Variants in UTRN observed in about 807,000 individuals in gnomAD.
UTRN encodes dystrophin-related protein 1.
In UTRN, 283 loss-of-function variants were observed where a neutral mutation model predicts 463.9. That is an observed-to-expected ratio of 0.61 (90% confidence interval 0.55 to 0.67). The LOEUF is 0.67. UTRN is among the 30% of genes least tolerant of loss of function. The pLI, the probability that UTRN is intolerant of heterozygous loss-of-function variation, is 0.00. For missense variants in UTRN, 3,922 were observed against 4,084.3 expected (o/e 0.96, Z 1.08); for synonymous variants, 1,442 against 1,431.5 (o/e 1.01, Z -0.17).
chr6:144,430,415 T>C (rs1257480269), intron 9 of UTRN, among the ~76,000 whole-genome samples: 1 of 152,180 alleles, frequency 6.6e-6, no homozygotes, highest in East Asian at 1.9e-4. Context: ...GATGAGAGAA[T>C]CTTAAGAATT....
intron 19 of UTRN, 41 bp from the exon 20 acceptor site, chr6:144,458,729 G>T (rs1789116629): frequency 6.5e-7 from 1 of 1,528,684 alleles, no homozygotes; most frequent in Non-Finnish European, 8.7e-7. Context: ...GACACATTTT[G>T]TAATATATAG....
At chr6:144,445,475 C>G (rs762161820) in intron 14 of UTRN, among the ~76,000 whole-genome samples, 1 of 151,356 alleles carries the variant, frequency 6.6e-6, no homozygotes, top group African/African-American at 2.4e-5. Flanking sequence ...GGAAAAAACT[C>G]AAGTGTGTGA....
intron 54 of UTRN, among the ~76,000 whole-genome samples, chr6:144,743,149 T>G (rs958801394): frequency 6.6e-6 from 1 of 152,220 alleles, no homozygotes; most frequent in Non-Finnish European, 1.5e-5. Context: ...AATTATATAC[T>G]GAGGACATAC....
chr6:144,643,746 C>T (rs1188717489), intron 51 of UTRN, among the ~76,000 whole-genome samples: 1 of 151,154 alleles, frequency 6.6e-6, no homozygotes, highest in East Asian at 1.9e-4. Context: ...ACAATGAGCC[C>T]AGACCATGCC....
At chr6:144,565,931 TA>T (rs144521273) in intron 50 of UTRN, among the ~76,000 whole-genome samples, 3,763 of 152,220 alleles carry the variant, frequency 0.025, 161 homozygotes, top group African/African-American at 0.084. Flanking sequence ...ACTTTTCTGT[TA>T]AAATGGATTA....
At chr6:144,583,474 T>C in intron 51 of UTRN, 1 of 704,992 alleles carries the variant, frequency 1.4e-6, no homozygotes, top group East Asian at 2.7e-5. Context: ...TTCTGAGGTG[T>C]CTCCAGAAGT....
At position 144,576,965 on chromosome 6, in the gene UTRN, C is replaced by G. The variant is rs144508806; in HGVS notation, c.7290-134C>G. ...TCAAGACACACATACAGATAAATCT[C>G]CCAGTTACCTATGGTGACTTGAATA... On this transcript the variant is annotated intron_variant, in intron 50 of 74. Transcript: ENST00000367545. The G allele has an allele frequency of 3.5e-3, 2,536 of 720,200 alleles. 8 individuals are homozygous for G. Among genetic ancestry groups the G allele is most frequent in the Non-Finnish European group, 5.0e-3 (2,222 of 445,662 alleles). 44.6% of individuals were successfully genotyped at this position (720,200 alleles called of 1,614,324 possible). A position where few individuals can be genotyped will look rare whatever the true frequency, so the allele number is the denominator to read the frequency against.
At chr6:144,605,970 G>A (rs762583907) in intron 51 of UTRN, among the ~76,000 whole-genome samples, 11 of 151,896 alleles carry the variant, frequency 7.2e-5, no homozygotes, top group Non-Finnish European at 1.3e-4. Context: ...TGTCCATACT[G>A]CAAAAACTCT....
intron 2 of UTRN, among the ~76,000 whole-genome samples, chr6:144,392,034 T>C (rs1781985650): frequency 6.6e-6 from 1 of 152,196 alleles, no homozygotes; most frequent in South Asian, 2.1e-4. Flanking sequence ...TCCTGAACTG[T>C]AGCTAGTCTG....
chr6:144,829,440 C>A (rs562772467), intron 69 of UTRN, among the ~76,000 whole-genome samples: 1 of 152,176 alleles, frequency 6.6e-6, no homozygotes, highest in South Asian at 2.1e-4. Flanking sequence ...TTTCTGATTT[C>A]CCCATATGTG....
chr6:144,610,910 A>C (rs970343453), intron 51 of UTRN, among the ~76,000 whole-genome samples: 1 of 152,168 alleles, frequency 6.6e-6, no homozygotes, highest in African/African-American at 2.4e-5. Context: ...AAAACAAACA[A>C]GAAAACAATA....
At chr6:144,301,536 C>CTTTTTTTTTTTTT (rs200484231) in intron 2 of UTRN, among the ~76,000 whole-genome samples, 16 of 92,740 alleles carry the variant, frequency 1.7e-4, no homozygotes, top group Non-Finnish European at 2.8e-4. Flanking sequence ...TTCTTTCTTT[C>CTTTTTTTTTTTTT]TTTTTTTTTT....
rs1426590329 is a variant in UTRN at position 144,462,818 on chromosome 6, A to G, written c.3018A>G (p.Lys1006=). The change falls in exon 23 of 75, where the codon AAA becomes AAG. Residue 1006 remains lysine (K), a synonymous_variant. Transcript: ENST00000367545. ...KWNKLKVLVS[K]DLHLLEEIAL... is the part of the protein sequence containing the mutation. ...ACAAGCTAAAGGTCTTGGTTTCCAA[A>G]GATCTACATTTGCTTGAGGAAATTG... is the stretch of plus-strand genomic sequence containing the variant. 1 of 1,609,380 alleles carries G rather than the reference A, an allele frequency of 6.2e-7. No individual in the cohort carries two copies. The highest frequency in any genetic ancestry group is 1.7e-5 in the Admixed American group (1 of 58,922).
intron 53 of UTRN, among the ~76,000 whole-genome samples, chr6:144,702,477 A>G (rs1217134138): frequency 1.3e-5 from 2 of 152,234 alleles, no homozygotes; most frequent in Non-Finnish European, 2.9e-5. Flanking sequence ...TCAATAATGA[A>G]CAAAACCAGG....
intron 2 of UTRN, among the ~76,000 whole-genome samples, chr6:144,299,377 T>C (rs1805033464): frequency 6.6e-6 from 1 of 152,262 alleles, no homozygotes; most frequent in Non-Finnish European, 1.5e-5. Context: ...TTATTATTTC[T>C]ACTTATAAAC....
chr6:144,648,004 C>T (rs1369013820), intron 51 of UTRN, among the ~76,000 whole-genome samples: 1 of 152,172 alleles, frequency 6.6e-6, no homozygotes, highest in Non-Finnish European at 1.5e-5. Flanking sequence ...CTATTTATGT[C>T]ACCTATACTT....
At position 144,447,595 on chromosome 6, in the gene UTRN, A is replaced by G; in HGVS notation, c.1723-7A>G. ...AAGAGTCATCTAATAAATATCTGAA[A>G]TACTAGATTTTGAAGGAAGACATGG... On this transcript the variant is annotated splice_polypyrimidine_tract_variant and splice_region_variant and intron_variant, in intron 15 of 74. Transcript: ENST00000367545. 6.2e-7 allele frequency: 1 copy of G among 1,611,906 alleles called. No homozygotes were observed. The highest frequency in any genetic ancestry group is 1.7e-5 in the Admixed American group (1 of 59,486).
At chr6:144,828,319 A>T (rs891184567) in intron 68 of UTRN, among the ~76,000 whole-genome samples, 5 of 152,172 alleles carry the variant, frequency 3.3e-5, no homozygotes, top group Non-Finnish European at 7.4e-5. Context: ...ACTGAACTGC[A>T]GGTAGGGGAA....
chr6:144,738,029 G>A (rs945637572), intron 54 of UTRN, among the ~76,000 whole-genome samples: 4 of 152,034 alleles, frequency 2.6e-5, no homozygotes, highest in Admixed American at 1.3e-4. Flanking sequence ...AGATATTATG[G>A]TGCTGACCAA....
Sources: allele counts gnomAD v4.1 joint callset (sites outside exome capture counted in the v4.1 genomes callset), GRCh38; gene constraint gnomAD v4.1.1; transcripts MANE v1.5; gene names NCBI Gene and HGNC (gene_info 2026-07-23, HGNC 2026-07-21).